The following PKD1L1 variants were observed in gnomAD, a reference collection of about 807,000 sequenced individuals.
PKD1L1 encodes the protein polycystin-1-like protein 1.
Under a neutral mutation model 323.4 loss-of-function variants are expected in PKD1L1, and 236 were observed. The observed-to-expected ratio is 0.73, with a 90% confidence interval of 0.66 to 0.81. The LOEUF (loss-of-function observed/expected upper bound fraction) is 0.81, where lower values mean the gene tolerates loss of function less well. PKD1L1 is among the 40% of genes least tolerant of loss of function. The pLI, the probability that PKD1L1 is intolerant of heterozygous loss-of-function variation, is 0.00. For synonymous variants in PKD1L1, 1,344 were observed against 1,335.0 expected (o/e 1.01, Z -0.15); for missense variants, 3,320 against 3,508.0 (o/e 0.95, Z 1.35).
In PKD1L1 at chr7:47,894,043, C is replaced by T; in HGVS notation, c.2288G>A (p.Ser763Asn). Reference sequence around the variant, plus strand: ...CACACAGTAGTTGCTGTACACCACACTGCCTTCAATCTGAACCTGCAGGGG... The same window carrying T: ...CACACAGTAGTTGCTGTACACCACATTGCCTTCAATCTGAACCTGCAGGGG... ...TALAKVQIEGSVVYSNYCVGL... is the reference protein window; with the variant it reads ...TALAKVQIEGNVVYSNYCVGL... The change falls in exon 15 of 57, where the codon AGT becomes AAT. Residue 763 changes from serine (S) to asparagine (N), a missense_variant. Transcript: ENST00000289672. The T allele has an allele frequency of 6.3e-7, 1 of 1,576,228 alleles. No individual in the cohort carries two copies. Among genetic ancestry groups the T allele is most frequent in the South Asian group, 1.2e-5 (1 of 84,982 alleles).
intron 7 of PKD1L1, among the ~76,000 whole-genome samples, chr7:47,920,873 C>A (rs1583674459): frequency 6.6e-6 from 1 of 151,908 alleles, no homozygotes; most frequent in African/African-American, 2.4e-5. Context: ...TCATCTCTCA[C>A]CTTATACAAA....
rs1286276873 is a variant in PKD1L1, at chr7:47,839,676, C to T, written c.5553-14G>A. On this transcript the variant is annotated splice_polypyrimidine_tract_variant and intron_variant, in intron 35 of 56. Transcript: ENST00000289672. The surrounding 1 kb of genome is among the most constrained non-coding windows in gnomAD (Gnocchi z 4.3). ...TGGGCAGGAGCGCTGGAGGCACACA[C>T]AGCAGCATCTCAGCCGGGTGGGTGA... The T allele has an allele frequency of 6.4e-7, 1 of 1,556,588 alleles. No homozygotes were observed. Among genetic ancestry groups the T allele is most frequent in the South Asian group, 1.2e-5 (1 of 84,434 alleles).
chr7:47,892,903 G>A (rs149871192), intron 15 of PKD1L1, among the ~76,000 whole-genome samples: 2,977 of 152,020 alleles, frequency 0.02, 105 homozygotes, highest in African/African-American at 0.067. Context: ...AAAAAGAAAG[G>A]AAGAAAAAGA....
At chr7:47,803,073 T>C (rs1216216949) in intron 53 of PKD1L1, 137 bp downstream of exon 53, 5 of 1,054,968 alleles carry the variant, frequency 4.7e-6, no homozygotes, top group Non-Finnish European at 6.9e-6. Context: ...AAAACCACAC[T>C]GTAAGGGATT....
At chr7:47,797,336 C>G (rs1272768640) in intron 54 of PKD1L1, among the ~76,000 whole-genome samples, 1 of 152,236 alleles carries the variant, frequency 6.6e-6, no homozygotes, top group African/African-American at 2.4e-5. Context: ...GGAAACACTT[C>G]AAAACATTAC....
intron 48 of PKD1L1, 22 bp downstream of exon 48, chr7:47,813,909 A>T: frequency 1.9e-6 from 3 of 1,603,002 alleles, no homozygotes; most frequent in Non-Finnish European, 2.6e-6. Context: ...TCTTGGAAGC[A>T]AAAGGAAAAG....
Position 47,902,479 on chromosome 7 carries a change from A to G in PKD1L1, c.1964T>C (p.Phe655Ser). The G allele has an allele frequency of 6.2e-7, 1 of 1,614,126 alleles. No individual in the cohort carries two copies. The highest frequency in any genetic ancestry group is 8.5e-7 in the Non-Finnish European group (1 of 1,179,974). ...TAGAGTGGAGGCACTGACATTATTG[A>G]AGGCAAGGACCTCCACTGTAAATTC... ...EGEFTVEVLA[F>S]NNVSASTLRQ... Residue 655 changes from phenylalanine to serine, a missense_variant, in exon 13 of 57, where the codon TTC becomes TCC. Transcript: ENST00000289672.
chr7:47,932,979 G>A (rs558760174), intron 4 of PKD1L1, among the ~76,000 whole-genome samples: 1 of 152,328 alleles, frequency 6.6e-6, no homozygotes, highest in South Asian at 2.1e-4. Flanking sequence ...TCATTCTAGT[G>A]CCTCAGCTGA....
chr7:47,791,354 T>C (rs1786943415), intron 56 of PKD1L1, among the ~76,000 whole-genome samples: 1 of 152,172 alleles, frequency 6.6e-6, no homozygotes, highest in Non-Finnish European at 1.5e-5. Flanking sequence ...ATCTATTTGC[T>C]TTATTTTTTT....
At chr7:47,874,548 T>A (rs930323299) in intron 23 of PKD1L1, among the ~76,000 whole-genome samples, 1 of 152,190 alleles carries the variant, frequency 6.6e-6, no homozygotes, top group Non-Finnish European at 1.5e-5. Flanking sequence ...CAAGATGTGG[T>A]CTATGGACAC....
chr7:47,824,768 T>C (rs1583598421), intron 45 of PKD1L1, among the ~76,000 whole-genome samples: 1 of 152,162 alleles, frequency 6.6e-6, no homozygotes, highest in Non-Finnish European at 1.5e-5. Context: ...TGCAGGCCTC[T>C]CCCTAGGAGC....
chr7:47,845,073 T>A lies in PKD1L1; in HGVS notation c.5159A>T (p.His1720Leu). 1 of 1,613,322 alleles carries A rather than the reference T, an allele frequency of 6.2e-7. No individual in the cohort carries two copies. The highest frequency in any genetic ancestry group is 1.3e-5 in the African/African-American group (1 of 75,036). The change falls in exon 33 of 57, where the codon CAT (histidine) becomes CTT (leucine). Residue 1720 changes from histidine to leucine, a missense_variant. Coordinates refer to ENST00000289672, the MANE Select transcript of PKD1L1 (RefSeq NM_138295.5). Reference protein sequence around the residue: ...TSPEKVNCSYHRLAAFALLRR... With the variant: ...TSPEKVNCSYLRLAAFALLRR... ...TAGGAGAGCGAATGCCGCGAGGCGA[T>A]GGTAGCTAGGAGGGAAATGCGGATG...
intron 55 of PKD1L1, among the ~76,000 whole-genome samples, chr7:47,794,579 A>G (rs551957154): frequency 2.0e-5 from 3 of 152,320 alleles, no homozygotes; most frequent in Non-Finnish European, 2.9e-5. Flanking sequence ...GCCCTTATGG[A>G]GAACTGCTAG....
intron 13 of PKD1L1, 118 bp downstream of exon 13, chr7:47,902,255 CAGTAGG>C: frequency 7.4e-7 from 1 of 1,349,444 alleles, no homozygotes; most frequent in Non-Finnish European, 9.9e-7. Context: ...GTGTAAATTG[CAGTAGG>C]ATAAACTGGA....
intron 31 of PKD1L1, among the ~76,000 whole-genome samples, chr7:47,851,166 T>C (rs1785775399): frequency 6.6e-6 from 1 of 152,150 alleles, no homozygotes; most frequent in Non-Finnish European, 1.5e-5. Context: ...AGTTCTTGTG[T>C]TCTAATGTCA....
chr7:47,882,224 G>T, intron 19 of PKD1L1, 139 bp from the exon 20 acceptor site: 3 of 923,592 alleles, frequency 3.2e-6, no homozygotes, highest in Non-Finnish European at 4.9e-6. Context: ...GTCTTCAGCA[G>T]CCAAACATAT....
chr7:47,845,390 C>T (rs1785644858), intron 32 of PKD1L1, among the ~76,000 whole-genome samples: 1 of 152,186 alleles, frequency 6.6e-6, no homozygotes. Flanking sequence ...CAGCCTGAGG[C>T]TCTCGGGTCC....
intron 32 of PKD1L1, among the ~76,000 whole-genome samples, chr7:47,845,490 A>T (rs1785646974): frequency 6.6e-6 from 1 of 152,262 alleles, no homozygotes; most frequent in Non-Finnish European, 1.5e-5. Flanking sequence ...TCCTACCCTG[A>T]CAATCACTGT....
chr7:47,794,889 T>C (rs1467775936), intron 55 of PKD1L1, among the ~76,000 whole-genome samples: 1 of 152,204 alleles, frequency 6.6e-6, no homozygotes, highest in African/African-American at 2.4e-5. Context: ...TGGACTGGTA[T>C]GGGGCCTGTA....
Sources: allele counts gnomAD v4.1 joint callset (sites outside exome capture counted in the v4.1 genomes callset), GRCh38; gene constraint gnomAD v4.1.1; non-coding constraint Gnocchi (gnomAD v3.1); transcripts MANE v1.5; gene names NCBI Gene and HGNC (gene_info 2026-07-23, HGNC 2026-07-21).